Variants in RNF220 observed in about 807,000 individuals in gnomAD.
RNF220 encodes the protein ring finger protein 220.
Under a neutral mutation model 67.1 loss-of-function variants are expected in RNF220, and 7 were observed. The observed-to-expected ratio is 0.10, with a 90% confidence interval of 0.06 to 0.20. The LOEUF is 0.20. Ranked by LOEUF, RNF220 falls within the 10% of genes least tolerant of loss-of-function variation. The pLI, the probability that RNF220 is intolerant of heterozygous loss-of-function variation, is 1.00. For missense variants in RNF220, 565 were observed against 740.3 expected (o/e 0.76, Z 2.75); for synonymous variants, 270 against 283.2 (o/e 0.95, Z 0.47).
At chr1:44,555,010 T>G (rs1662953938) in intron 2 of RNF220, among the ~76,000 whole-genome samples, 1 of 152,222 alleles carries the variant, frequency 6.6e-6, no homozygotes, top group Admixed American at 6.5e-5. Flanking sequence ...TACCCCTTGC[T>G]TAACTTTCTT....
chr1:44,433,925 A>G (rs988285966), intron 2 of RNF220, among the ~76,000 whole-genome samples: 1 of 152,092 alleles, frequency 6.6e-6, no homozygotes, highest in East Asian at 1.9e-4. Context: ...TTGTGCCACT[A>G]TTCTCCAGCC....
intron 2 of RNF220, among the ~76,000 whole-genome samples, chr1:44,569,391 A>G (rs1372376488): frequency 6.6e-6 from 1 of 152,218 alleles, no homozygotes; most frequent in African/African-American, 2.4e-5. Context: ...TTAACATTCT[A>G]TTTGAACATT....
At chr1:44,447,588 A>C (rs1020218407) in intron 2 of RNF220, among the ~76,000 whole-genome samples, 1 of 152,202 alleles carries the variant, frequency 6.6e-6, no homozygotes. Context: ...CCTGGTATGG[A>C]GATGAATATG....
At chr1:44,473,266 A>C (rs1289316923) in intron 2 of RNF220, among the ~76,000 whole-genome samples, 2 of 152,178 alleles carry the variant, frequency 1.3e-5, no homozygotes, top group African/African-American at 2.4e-5. Flanking sequence ...AAAGTTTTAC[A>C]GTGGAACGGT....
intron 3 of RNF220, among the ~76,000 whole-genome samples, chr1:44,615,983 TGGGACTGCA>T (rs1177914806): frequency 6.6e-6 from 1 of 152,224 alleles, no homozygotes; most frequent in East Asian, 1.9e-4. Flanking sequence ...AAGATCTGAC[TGGGACTGCA>T]GGATCTGCTT....
At chr1:44,464,708 C>T (rs1654109351) in intron 2 of RNF220, among the ~76,000 whole-genome samples, 1 of 152,212 alleles carries the variant, frequency 6.6e-6, no homozygotes. Flanking sequence ...AAAGCCTATC[C>T]TCACTCCCCA....
chr1:44,439,468 TCA>T (rs1340635979), intron 2 of RNF220, among the ~76,000 whole-genome samples: 1 of 152,102 alleles, frequency 6.6e-6, no homozygotes, highest in Non-Finnish European at 1.5e-5. Context: ...GCATTTTTTT[TCA>T]GTTTATCATT....
At chr1:44,441,876 T>C (rs1182719881) in intron 2 of RNF220, among the ~76,000 whole-genome samples, 1 of 152,178 alleles carries the variant, frequency 6.6e-6, no homozygotes, top group Non-Finnish European at 1.5e-5. Context: ...ACAGTTCTTA[T>C]GGGGAACACA....
chr1:44,559,428 G>T (rs777930262), intron 2 of RNF220, among the ~76,000 whole-genome samples: 3 of 152,256 alleles, frequency 2.0e-5, no homozygotes, highest in Non-Finnish European at 2.9e-5. Flanking sequence ...GAGCAAACCC[G>T]CAATGAAGTC....
intron 2 of RNF220, among the ~76,000 whole-genome samples, chr1:44,433,396 G>T (rs1259421270): frequency 6.6e-6 from 1 of 152,198 alleles, no homozygotes; most frequent in African/African-American, 2.4e-5. Flanking sequence ...ACAGGAAACA[G>T]TTTGTGTCTC....
At chr1:44,615,373 G>A (rs997727070) in intron 3 of RNF220, among the ~76,000 whole-genome samples, 2 of 152,114 alleles carry the variant, frequency 1.3e-5, no homozygotes, top group African/African-American at 4.8e-5. Context: ...TTTGATGGGA[G>A]GACTGGCAAG....
At chr1:44,585,494 G>A (rs541827219) in intron 2 of RNF220, among the ~76,000 whole-genome samples, 8 of 152,154 alleles carry the variant, frequency 5.3e-5, no homozygotes, top group Non-Finnish European at 1.2e-4. Context: ...TTCTACCTAA[G>A]TCCCTACCTC....
At chr1:44,413,852 C>A (rs1202450836) in intron 2 of RNF220, among the ~76,000 whole-genome samples, 1 of 152,198 alleles carries the variant, frequency 6.6e-6, no homozygotes, top group Non-Finnish European at 1.5e-5. Flanking sequence ...GCAGCTCTCT[C>A]CCCTGTCGCC....
intron 2 of RNF220, among the ~76,000 whole-genome samples, chr1:44,530,679 A>C (rs1436146747): frequency 6.6e-6 from 1 of 152,218 alleles, no homozygotes; most frequent in African/African-American, 2.4e-5. Flanking sequence ...AAATAGTGAA[A>C]GAACTGGTCA....
At chr1:44,474,201 C>G (rs1201542193) in intron 2 of RNF220, among the ~76,000 whole-genome samples, 2 of 151,636 alleles carry the variant, frequency 1.3e-5, no homozygotes, top group East Asian at 3.9e-4. Context: ...ATGGTGAAAC[C>G]CCGTCTCTAC....
Position 44,430,782 on chromosome 1 carries a change from T to C in RNF220, c.625+18060T>C, listed in dbSNP as rs536720557. 2.0e-5 allele frequency among the ~76,000 whole-genome samples: 3 copies of C among 152,318 alleles called. No individual in the cohort carries two copies. In the South Asian group the frequency reaches 6.2e-4, roughly 32 times the overall value. ...GGCTGGTCTTGAACTCCTGATGTCG[T>C]GATCCGCCCACCTTGGCCTCCCAAA... On this transcript the variant is annotated intron_variant, in intron 2 of 14. Transcript: ENST00000361799.
intron 6 of RNF220, among the ~76,000 whole-genome samples, chr1:44,633,514 G>T (rs1185791663): frequency 1.3e-5 from 2 of 152,234 alleles, no homozygotes; most frequent in African/African-American, 4.8e-5. Context: ...GAATGGGAAG[G>T]TGAAAACCAA....
chr1:44,649,848 T>C lies in RNF220; in HGVS notation c.1555-35T>C, dbSNP rs1432737060. 6.2e-7 allele frequency: 1 copy of C among 1,613,752 alleles called. No individual in the cohort carries two copies. The highest frequency in any genetic ancestry group is 1.1e-5 in the South Asian group (1 of 91,078). On this transcript the variant is annotated intron_variant, in intron 13 of 14. Coordinates refer to ENST00000361799, the MANE Select transcript of RNF220 (RefSeq NM_018150.4). The surrounding 1 kb of genome is among the most constrained non-coding windows in gnomAD (Gnocchi z 5.9). ...GGGAGTTGGAGAGGGTGGGCCTACC[T>C]CAGAGTGACCCCTTCTCTGCCCCCT...
rs368891059 is a variant in RNF220, at chr1:44,552,563, C to CT, written c.626-61600dup. Among the ~76,000 whole-genome samples the CT allele has an allele frequency of 1.3e-3, 90 of 71,344 alleles. 12 individuals carry two copies. The highest frequency in any genetic ancestry group is 9.2e-3 in the East Asian group (25 of 2,712). The allele number at this position is 71,344 out of a possible 152,430, so 46.8% of individuals were successfully genotyped here. A position where few individuals can be genotyped will look rare whatever the true frequency, so the allele number is the denominator to read the frequency against. ...AATGGCTCCCTGCTATTCTAAACTT[C>CT]TTCTTTTTTTTTTTTTTTTTTTTTT... On this transcript the variant is annotated intron_variant, in intron 2 of 14. Coordinates refer to ENST00000361799, the MANE Select transcript of RNF220 (RefSeq NM_018150.4).
Sources: allele counts gnomAD v4.1 joint callset (sites outside exome capture counted in the v4.1 genomes callset), GRCh38; gene constraint gnomAD v4.1.1; non-coding constraint Gnocchi (gnomAD v3.1); transcripts MANE v1.5; gene names NCBI Gene and HGNC (gene_info 2026-07-23, HGNC 2026-07-21).